The following STAT5B variants were observed in gnomAD, a reference collection of about 807,000 sequenced individuals.
STAT5B encodes the protein transcription factor STAT5B.
In STAT5B, 21 loss-of-function variants were observed where a neutral mutation model predicts 107.8. That is an observed-to-expected ratio of 0.19 (90% CI 0.14 to 0.28). The LOEUF (loss-of-function observed/expected upper bound fraction) is 0.28, where lower values mean the gene tolerates loss of function less well. STAT5B is among the 10% of genes least tolerant of loss of function. The probability of loss-of-function intolerance (pLI) is 1.00; values close to 1 mark genes in which losing one functional copy is unlikely to be tolerated. For synonymous variants in STAT5B, 325 were observed against 401.7 expected, an observed-to-expected ratio of 0.81 and a Z score of 2.28; for missense variants, 565 against 1,008.2, an observed-to-expected ratio of 0.56 and a Z score of 5.95.
intron 12 of STAT5B, among the ~76,000 whole-genome samples, chr17:42,214,868 G>GCC (rs575651031): frequency 6.6e-6 from 1 of 151,760 alleles, no homozygotes; most frequent in African/African-American, 2.4e-5. Flanking sequence ...TCCCGCCTCA[G>GCC]CCCCCCCCAA....
At chr17:42,210,879 G>A (rs1567656161) in intron 13 of STAT5B, among the ~76,000 whole-genome samples, 1 of 152,174 alleles carries the variant, frequency 6.6e-6, no homozygotes, top group South Asian at 2.1e-4. Context: ...GGTGGGGGGT[G>A]TAGGAAAAGA....
In STAT5B at chr17:42,201,019, G is replaced by T; in HGVS notation, c.*719C>A. 1 of 401,314 alleles carries T rather than the reference G, an allele frequency of 2.5e-6. No individual in the cohort carries two copies. The highest frequency in any genetic ancestry group is 1.3e-4 in the South Asian group (1 of 7,836). The allele number at this position is 401,314 out of a possible 1,614,324, so 24.9% of individuals were successfully genotyped here. ...ATGTGCACACCCAGAGGAACTGAGT[G>T]GCAATTCCAGGGTGCGGGCGGGCAG... On this transcript the variant is annotated 3_prime_UTR_variant, in exon 19 of 19. Transcript: ENST00000293328.
At chr17:42,260,719 A>G (rs1373846944) in intron 1 of STAT5B, among the ~76,000 whole-genome samples, 1 of 152,064 alleles carries the variant, frequency 6.6e-6, no homozygotes, top group Admixed American at 6.5e-5. Context: ...ATATTGATCA[A>G]ATGTTGAAAT....
intron 1 of STAT5B, among the ~76,000 whole-genome samples, chr17:42,273,434 C>A (rs1483339954): frequency 6.6e-6 from 1 of 152,112 alleles, no homozygotes; most frequent in East Asian, 1.9e-4. Context: ...AGTCCAGTAA[C>A]CTGGAATTGC....
chr17:42,250,499 T>C (rs868273734), intron 1 of STAT5B, among the ~76,000 whole-genome samples: 1 of 152,090 alleles, frequency 6.6e-6, no homozygotes, highest in Admixed American at 6.5e-5. Context: ...GGAATAAGCA[T>C]GGGAAATGAG....
chr17:42,203,798 T>C (rs980055053), intron 16 of STAT5B, among the ~76,000 whole-genome samples: 1 of 152,034 alleles, frequency 6.6e-6, no homozygotes, highest in Non-Finnish European at 1.5e-5. Context: ...AGCTACTTTT[T>C]ATATTTTTGG....
chr17:42,218,504 G>C (rs534821171), intron 8 of STAT5B, among the ~76,000 whole-genome samples, 174 bp from the exon 9 acceptor site: 3 of 152,160 alleles, frequency 2.0e-5, no homozygotes, highest in Non-Finnish European at 4.4e-5. Context: ...GATGGAGAGG[G>C]GAGTGAGATA....
rs2080169126 is a variant in STAT5B at position 42,216,071 on chromosome 17, G to A, written c.1416C>T (p.Gly472=). The change falls in exon 12 of 19, where the codon GGC becomes GGT. Residue 472 remains glycine (G), a synonymous_variant. Coordinates refer to ENST00000293328, the MANE Select transcript of STAT5B (RefSeq NM_012448.4). ...TGGCCGTCGCATTGTTGTCCTGGCT[G>A]CCATGAACGATCACCACCACTGGCA... is the stretch of plus-strand genomic sequence containing the variant. ...LSLPVVVIVH[G]SQDNNATATV... is the part of the protein sequence containing the mutation. 6.2e-7 allele frequency: 1 copy of A among 1,613,872 alleles called. No individual in the cohort carries two copies. The highest frequency in any genetic ancestry group is 8.5e-7 in the Non-Finnish European group (1 of 1,179,940).
At chr17:42,204,764 G>A (rs1431666521) in intron 16 of STAT5B, among the ~76,000 whole-genome samples, 2 of 152,144 alleles carry the variant, frequency 1.3e-5, no homozygotes, top group African/African-American at 2.4e-5. Flanking sequence ...ACAGGCATGC[G>A]CCACCAAGCG....
At chr17:42,202,270 C>A in intron 18 of STAT5B, 70 bp downstream of exon 18, 3 of 1,579,580 alleles carry the variant, frequency 1.9e-6, no homozygotes, top group Non-Finnish European at 1.7e-6. Flanking sequence ...GACCCCAGCC[C>A]TCCAGGGGTC....
chr17:42,211,399 G>A (rs1481485188), intron 13 of STAT5B, among the ~76,000 whole-genome samples: 2 of 151,958 alleles, frequency 1.3e-5, no homozygotes, highest in African/African-American at 4.8e-5. Context: ...CCAGCTACTC[G>A]GGAGGCTGAG....
At chr17:42,222,310 CTACAG>C (rs961953174) in intron 5 of STAT5B, among the ~76,000 whole-genome samples, 1 of 151,998 alleles carries the variant, frequency 6.6e-6, no homozygotes, top group Non-Finnish European at 1.5e-5. Context: ...TGCCAAACTG[CTACAG>C]GGTCAAAAGG....
At position 42,202,746 on chromosome 17, in the gene STAT5B, T is replaced by A; in HGVS notation, c.2129+11A>T. The A allele has an allele frequency of 6.2e-7, 1 of 1,613,976 alleles. No homozygotes were observed. The highest frequency in any genetic ancestry group is 8.5e-7 in the Non-Finnish European group (1 of 1,180,034). On this transcript the variant is annotated intron_variant, in intron 17 of 18. Coordinates refer to ENST00000293328, the MANE Select transcript of STAT5B (RefSeq NM_012448.4). ...AGGCAGAAGGAGAGCCACAGCCACC[T>A]GGACACTTACTCAGGGACCACTTGC...
chr17:42,259,608 G>A (rs573873814), intron 1 of STAT5B, among the ~76,000 whole-genome samples: 5 of 152,148 alleles, frequency 3.3e-5, no homozygotes, highest in Admixed American at 6.5e-5. Context: ...CCAACACAGC[G>A]AAACCCCGTA....
At chr17:42,250,932 A>T (rs1223143635) in intron 1 of STAT5B, among the ~76,000 whole-genome samples, 1 of 151,902 alleles carries the variant, frequency 6.6e-6, no homozygotes, top group African/African-American at 2.4e-5. Flanking sequence ...TCAAAAAAAA[A>T]AAAAAAAAAA....
chr17:42,206,645 G>C lies in STAT5B; in HGVS notation c.2077+913C>G, dbSNP rs947453933. ...GCTGGAGTGCAATGGCACGATTTCA[G>C]CTCACCACAACTTCCACCTCTCGGG... On this transcript the variant is annotated intron_variant, in intron 16 of 18. Coordinates refer to ENST00000293328, the MANE Select transcript of STAT5B (RefSeq NM_012448.4). 4.6e-5 allele frequency among the ~76,000 whole-genome samples: 7 copies of C among 151,930 alleles called. No individual in the cohort carries two copies. The South Asian group carries it at 6.2e-4, about 13-fold the overall frequency.
At chr17:42,217,310 GT>G (rs2080180381) in intron 10 of STAT5B, 28 bp from the exon 11 acceptor site, 1 of 1,614,060 alleles carries the variant, frequency 6.2e-7, no homozygotes, top group Non-Finnish European at 8.5e-7. Flanking sequence ...AAGATGAAAC[GT>G]AAGATATAAG....
chr17:42,284,601 C>T, the STAT5B span, among the ~76,000 whole-genome samples: 1 of 152,212 alleles, frequency 6.6e-6, no homozygotes, highest in East Asian at 1.9e-4. Flanking sequence ...TAAACTCAAA[C>T]CCACCTTCAT....
intron 17 of STAT5B, 41 bp downstream of exon 17, chr17:42,202,716 G>A (rs1299670927): frequency 1.2e-6 from 2 of 1,613,018 alleles, no homozygotes; most frequent in East Asian, 2.2e-5. Flanking sequence ...GGGGGAGGAG[G>A]AAAGAGGCAG....
Sources: gnomAD v4.1 joint callset for allele counts (sites outside exome capture counted in the v4.1 genomes callset) on GRCh38, gnomAD v4.1.1 for gene constraint, MANE v1.5 for transcripts, NCBI Gene and HGNC (gene_info 2026-07-23, HGNC 2026-07-21) for gene names.